Variants in ADH5 observed in about 807,000 individuals in gnomAD.
The protein encoded by ADH5 is alcohol dehydrogenase 5 (class III), chi polypeptide, also known as alcohol dehydrogenase class-3.
A neutral mutation model predicts 40.3 loss-of-function variants in ADH5; 32 were observed. The ratio of observed to expected loss-of-function variants is 0.79; its 90% CI spans 0.60 to 1.07. The LOEUF (loss-of-function observed/expected upper bound fraction) is 1.07, where lower values mean the gene tolerates loss of function less well. ADH5 is among the 50% of genes least tolerant of loss of function. The probability of loss-of-function intolerance (pLI) is 0.00; values close to 1 mark genes in which losing one functional copy is unlikely to be tolerated. For missense variants in ADH5, 353 were observed against 460.5 expected (o/e 0.77, Z 2.14); for synonymous variants, 125 against 154.3 (o/e 0.81, Z 1.41).
intron 1 of ADH5, among the ~76,000 whole-genome samples, chr4:99,086,622 G>A (rs1012464841): frequency 6.6e-6 from 1 of 152,122 alleles, no homozygotes; most frequent in Non-Finnish European, 1.5e-5. Context: ...CTACATATAG[G>A]GTGATTGTGA....
At chr4:99,085,638 AG>A in intron 1 of ADH5, 1 of 329,100 alleles carries the variant, frequency 3.0e-6, no homozygotes, top group Non-Finnish European at 6.2e-6. Context: ...GCAAAACTGC[AG>A]GGTGGGAAGG....
chr4:99,072,576 T>C lies in ADH5; in HGVS notation c.1097A>G (p.Lys366Arg). Residue 366 changes from lysine (K) to arginine (R), a missense_variant, in exon 8 of 9, where the codon AAG (lysine) becomes AGG (arginine). Lys to Arg is a conservative substitution (Grantham distance 26). Coordinates refer to ENST00000296412, the MANE Select transcript of ADH5 (RefSeq NM_000671.4). ...NKAFELMHSGKSIRTVVKI is the reference protein window; with the variant it reads ...NKAFELMHSGRSIRTVVKI ...GATATATAAAGAGAAAGCCTACCTC[T>C]TTCCAGAATGCATCAGTTCAAAGGC... The C allele has an allele frequency of 6.2e-7, 1 of 1,610,986 alleles. No individual in the cohort carries two copies. Among genetic ancestry groups the C allele is most frequent in the South Asian group, 1.1e-5 (1 of 90,154 alleles).
At chr4:99,084,622 G>A (rs1388198976) in intron 2 of ADH5, among the ~76,000 whole-genome samples, 1 of 152,106 alleles carries the variant, frequency 6.6e-6, no homozygotes, top group African/African-American at 2.4e-5. Flanking sequence ...CTCTGTCTAT[G>A]GAAAAGCCAT....
intron 2 of ADH5, among the ~76,000 whole-genome samples, chr4:99,082,727 A>T (rs1207171817): frequency 6.6e-6 from 1 of 152,134 alleles, no homozygotes; most frequent in Non-Finnish European, 1.5e-5. Context: ...CCCAGGCTGG[A>T]GTGCAGTGGC....
intron 1 of ADH5, among the ~76,000 whole-genome samples, chr4:99,086,531 T>C (rs1265843026): frequency 6.6e-6 from 1 of 152,186 alleles, no homozygotes; most frequent in South Asian, 2.1e-4. Flanking sequence ...GAGTGTAACT[T>C]TGCTTGGTTT....
Position 99,072,318 on chromosome 4 carries a change from G to A in ADH5, c.*99C>T, listed in dbSNP as rs923278388. The A allele has an allele frequency of 7.5e-6, 8 of 1,071,966 alleles. No homozygotes were observed. The African/African-American group carries it at 1.3e-4, about 17-fold the overall frequency. 66.4% of individuals were successfully genotyped at this position (1,071,966 alleles called of 1,614,324 possible). ...TAACCCTATTTTCTGGAGTAGCTGT[G>A]AAGCTCTACGAGGCTGTGAGGTTGG... On this transcript the variant is annotated 3_prime_UTR_variant, in exon 9 of 9. Coordinates refer to ENST00000296412, the MANE Select transcript of ADH5 (RefSeq NM_000671.4).
At chr4:99,074,853 TAA>T in intron 7 of ADH5, 59 bp downstream of exon 7, 1 of 1,503,758 alleles carries the variant, frequency 6.7e-7, no homozygotes, top group Non-Finnish European at 8.9e-7. Context: ...TGGCTGGGAT[TAA>T]ACATCTGCCA....
chr4:99,080,909 C>G (rs1303276476), intron 4 of ADH5, among the ~76,000 whole-genome samples: 1 of 152,092 alleles, frequency 6.6e-6, no homozygotes, highest in East Asian at 1.9e-4. Flanking sequence ...GTAAGAAAAC[C>G]CAACTCCCCC....
chr4:99,084,500 T>G (rs943009068), intron 2 of ADH5, among the ~76,000 whole-genome samples: 1 of 152,212 alleles, frequency 6.6e-6, no homozygotes, highest in African/African-American at 2.4e-5. Context: ...AATCCTTAGT[T>G]CTGGGAATTG....
At chr4:99,078,588 G>A (rs1727971305) in intron 4 of ADH5, among the ~76,000 whole-genome samples, 1 of 152,116 alleles carries the variant, frequency 6.6e-6, no homozygotes. Context: ...TTTTTATAGA[G>A]AGGGGGTTTC....
chr4:99,076,051 A>G, intron 6 of ADH5: 1 of 475,588 alleles, frequency 2.1e-6, no homozygotes, highest in African/African-American at 1.9e-5. Flanking sequence ...CTGTCTTTTC[A>G]TTTCATGAGA....
intron 4 of ADH5, among the ~76,000 whole-genome samples, chr4:99,077,500 T>TA (rs28730620): frequency 0.071 from 10,703 of 150,788 alleles, 589 homozygotes; most frequent in African/African-American, 0.17. Flanking sequence ...GTCTCAAAAA[T>TA]AAAAAAAAAT....
intron 6 of ADH5, 199 bp downstream of exon 6, chr4:99,076,093 A>AACATCTT: frequency 1.7e-6 from 1 of 583,698 alleles, no homozygotes; most frequent in Admixed American, 3.1e-5. Flanking sequence ...AAGGCAAAGA[A>AACATCTT]ACATCTTTTC....
intron 4 of ADH5, among the ~76,000 whole-genome samples, chr4:99,079,235 A>G (rs1407554453): frequency 6.6e-6 from 1 of 152,236 alleles, no homozygotes; most frequent in Non-Finnish European, 1.5e-5. Context: ...GTAACCACCC[A>G]AAACTGGGAG....
intron 2 of ADH5, 100 bp from the exon 3 acceptor site, chr4:99,082,216 T>C: frequency 8.1e-7 from 1 of 1,239,586 alleles, no homozygotes; most frequent in Non-Finnish European, 1.1e-6. Context: ...TATATTTCAT[T>C]GACTCTAAGA....
At chr4:99,072,528 T>G (rs1306284131) in intron 8 of ADH5, 45 bp downstream of exon 8, 2 of 1,609,242 alleles carry the variant, frequency 1.2e-6, no homozygotes, top group Non-Finnish European at 1.7e-6. Flanking sequence ...CCCCTCAAAC[T>G]CAACATCATT....
At chr4:99,082,236 T>G in intron 2 of ADH5, 120 bp from the exon 3 acceptor site, 1 of 1,097,872 alleles carries the variant, frequency 9.1e-7, no homozygotes, top group Non-Finnish European at 1.2e-6. Context: ...ACACATTTCT[T>G]TCATATTTTA....
At chr4:99,083,875 G>A (rs1186009794) in intron 2 of ADH5, among the ~76,000 whole-genome samples, 1 of 152,088 alleles carries the variant, frequency 6.6e-6, no homozygotes, top group East Asian at 1.9e-4. Context: ...ACATGCCAAG[G>A]TTTCAAAGAT....
At chr4:99,085,015 T>G in intron 2 of ADH5, 100 bp downstream of exon 2, 1 of 522,756 alleles carries the variant, frequency 1.9e-6, no homozygotes, top group South Asian at 7.5e-5. Context: ...TCTTTGACAC[T>G]GTCCTTTGGG....
Sources: allele counts gnomAD v4.1 joint callset (sites outside exome capture counted in the v4.1 genomes callset), GRCh38; gene constraint gnomAD v4.1.1; transcripts MANE v1.5; gene names NCBI Gene and HGNC (gene_info 2026-07-23, HGNC 2026-07-21).